TENM3: variants seen among roughly 807,000 people sequenced by gnomAD.
The protein encoded by TENM3 is teneurin transmembrane protein 3.
A neutral mutation model predicts 255.1 loss-of-function variants in TENM3; 63 were observed. The observed-to-expected ratio is 0.25, with a 90% CI of 0.20 to 0.30. The LOEUF is 0.30. Ranked by LOEUF, TENM3 falls within the 10% of genes least tolerant of loss-of-function variation. The pLI, the probability that TENM3 is intolerant of heterozygous loss-of-function variation, is 1.00. For synonymous variants in TENM3, 1,306 were observed against 1,322.3 expected (o/e 0.99, Z 0.27); for missense variants, 2,929 against 3,461.1 (o/e 0.85, Z 3.86).
At chr4:181,957,032 A>C in the TENM3 span, among the ~76,000 whole-genome samples, 6 of 152,194 alleles carry the variant, frequency 3.9e-5, no homozygotes, top group Non-Finnish European at 8.8e-5. Context: ...GTATCTGGAA[A>C]GTGACCATTT....
chr4:181,809,500 C>A, the TENM3 span, among the ~76,000 whole-genome samples: 2 of 152,148 alleles, frequency 1.3e-5, no homozygotes, highest in African/African-American at 4.8e-5. Flanking sequence ...TTGCCCTGAC[C>A]TACTTACGGA....
intron 3 of TENM3, among the ~76,000 whole-genome samples, chr4:182,445,689 C>A (rs1772858183): frequency 6.6e-6 from 1 of 151,854 alleles, no homozygotes; most frequent in African/African-American, 2.4e-5. Flanking sequence ...GGTGTTCGGT[C>A]ATTAGATTTT....
the TENM3 span, among the ~76,000 whole-genome samples, chr4:181,526,224 T>A: frequency 6.6e-6 from 1 of 152,012 alleles, no homozygotes; most frequent in Non-Finnish European, 1.5e-5. Context: ...TTCTATGGAA[T>A]TTAATCACTT....
the TENM3 span, among the ~76,000 whole-genome samples, chr4:182,088,937 C>T: frequency 2.0e-5 from 3 of 152,066 alleles, no homozygotes; most frequent in Non-Finnish European, 4.4e-5. Context: ...TCTTAACCCA[C>T]AAGGTCATAT....
the TENM3 span, among the ~76,000 whole-genome samples, chr4:181,525,285 C>T: frequency 6.6e-6 from 1 of 151,448 alleles, no homozygotes; most frequent in Non-Finnish European, 1.5e-5. Flanking sequence ...GTAGCAGACA[C>T]CTGTGGTCCA....
chr4:182,385,505 T>C (rs1767857352), intron 3 of TENM3, among the ~76,000 whole-genome samples: 1 of 152,128 alleles, frequency 6.6e-6, no homozygotes, highest in African/African-American at 2.4e-5. Context: ...CCTCAGGTGA[T>C]CCACCTGCCT....
the TENM3 span, among the ~76,000 whole-genome samples, chr4:181,722,948 A>C: frequency 6.6e-6 from 1 of 152,130 alleles, no homozygotes; most frequent in Non-Finnish European, 1.5e-5. Flanking sequence ...CTAGATGGAC[A>C]GTGGAACCAC....
At chr4:182,723,776 G>T (rs1759938642) in intron 13 of TENM3, among the ~76,000 whole-genome samples, 2 of 152,198 alleles carry the variant, frequency 1.3e-5, no homozygotes, top group African/African-American at 4.8e-5. Flanking sequence ...TGGCCTCTGA[G>T]CCAAAGCCTG....
At chr4:181,721,599 CAAAAAAAAAAAAAAAAA>C in the TENM3 span, among the ~76,000 whole-genome samples, 3 of 25,590 alleles carry the variant, frequency 1.2e-4, no homozygotes, top group African/African-American at 4.2e-4. Flanking sequence ...GACTCCGTCT[CAAAAAAAAAAAAAAAAA>C]AAAAAAAAAG....
chr4:182,680,497 G>T (rs768836940), intron 9 of TENM3, 46 bp from the exon 10 acceptor site: 2 of 1,599,534 alleles, frequency 1.3e-6, no homozygotes, highest in South Asian at 1.1e-5. Context: ...TCGGAAGCTC[G>T]GTGGAAAGTG....
chr4:181,969,710 T>A, the TENM3 span, among the ~76,000 whole-genome samples: 10 of 152,186 alleles, frequency 6.6e-5, no homozygotes, highest in African/African-American at 2.2e-4. Flanking sequence ...CGTGTTAACG[T>A]ACATAATAAA....
the TENM3 span, among the ~76,000 whole-genome samples, chr4:181,515,930 G>C: frequency 6.6e-6 from 1 of 152,036 alleles, no homozygotes; most frequent in African/African-American, 2.4e-5. Flanking sequence ...CAATACCAAA[G>C]GCATGGAATC....
chr4:182,362,861 C>T (rs1411438010), intron 3 of TENM3, among the ~76,000 whole-genome samples: 1 of 152,220 alleles, frequency 6.6e-6, no homozygotes. Flanking sequence ...ATTCGGCCAT[C>T]TTGGCTCCTC....
chr4:181,980,840 C>T, the TENM3 span, among the ~76,000 whole-genome samples: 44 of 152,116 alleles, frequency 2.9e-4, no homozygotes, highest in Non-Finnish European at 5.1e-4. Context: ...CTGAAACTTA[C>T]GCCTATTTTT....
chr4:181,944,089 T>C, the TENM3 span, among the ~76,000 whole-genome samples: 24 of 152,146 alleles, frequency 1.6e-4, no homozygotes, highest in African/African-American at 5.3e-4. Flanking sequence ...GTCAGGATTC[T>C]CCAGAGAATA....
intron 1 of TENM3, among the ~76,000 whole-genome samples, chr4:182,300,702 T>C (rs1761801513): frequency 6.6e-6 from 1 of 152,180 alleles, no homozygotes; most frequent in South Asian, 2.1e-4. Context: ...GTTTGGCATA[T>C]TTGCTGTCCA....
At chr4:181,741,164 G>T in the TENM3 span, among the ~76,000 whole-genome samples, 1 of 152,086 alleles carries the variant, frequency 6.6e-6, no homozygotes, top group East Asian at 1.9e-4. Context: ...ATGTAACAAG[G>T]CCACTGAAAT....
the TENM3 span, among the ~76,000 whole-genome samples, chr4:181,708,231 C>A: frequency 2.6e-5 from 4 of 152,048 alleles, no homozygotes; most frequent in South Asian, 6.2e-4. Context: ...AATGGAATGG[C>A]AAAATAGTGA....
At chr4:182,303,632 G>T (rs578050195) in intron 1 of TENM3, among the ~76,000 whole-genome samples, 2 of 151,984 alleles carry the variant, frequency 1.3e-5, no homozygotes, top group East Asian at 3.9e-4. Flanking sequence ...TATGACCTTG[G>T]TGGGGGGGGT....
Sources: allele counts gnomAD v4.1 joint callset (sites outside exome capture counted in the v4.1 genomes callset), GRCh38; gene constraint gnomAD v4.1.1; transcripts MANE v1.5; gene names NCBI Gene and HGNC (gene_info 2026-07-23, HGNC 2026-07-21).